ZNF268: variants seen among roughly 807,000 people sequenced by gnomAD.
The protein encoded by ZNF268 is zinc finger protein 268, also known as zinc finger protein 3.
In ZNF268, 20 loss-of-function variants were observed where a neutral mutation model predicts 29.3. The observed-to-expected ratio is 0.68, with a 90% CI of 0.48 to 0.99. The LOEUF (loss-of-function observed/expected upper bound fraction) is 0.99. Among genes scored for constraint, ZNF268 ranks in the 50% least tolerant of loss-of-function variants. The pLI is 0.00. For missense variants in ZNF268, 1,240 were observed against 1,121.6 expected (o/e 1.11, Z -1.51); for synonymous variants, 429 against 376.9 (o/e 1.14, Z -1.60).
rs370886515 is a variant in ZNF268 at position 133,202,765 on chromosome 12, A to G, written c.1079A>G (p.Tyr360Cys). 51 of 1,611,456 alleles carry G rather than the reference A, an allele frequency of 3.2e-5. 1 individual carries two copies. Among genetic ancestry groups the G allele is most frequent in the South Asian group, 2.3e-4 (21 of 90,910 alleles). The change falls in exon 6 of 6, where the codon TAT becomes TGT. Residue 360 changes from tyrosine to cysteine, a missense_variant. Tyr to Cys is a radical substitution (Grantham distance 194). Around this residue, in one of 3 missense-constraint regions of ZNF268, gnomAD observed 1,177 missense variants for 1,039.6 expected, o/e 1.13. Coordinates refer to ENST00000536435, the MANE Select transcript of ZNF268 (RefSeq NM_003415.3). ...AGAATTCACACAGGTGAGAATCCCTATGAGTGCTGTGAATGTGGGAAAGTC... is the reference window on the plus strand; with the variant it reads ...AGAATTCACACAGGTGAGAATCCCTGTGAGTGCTGTGAATGTGGGAAAGTC... ...HQRIHTGENPYECCECGKVFS... is the reference protein window; with the variant it reads ...HQRIHTGENPCECCECGKVFS...
chr12:133,187,841 C>A (rs573573567), intron 2 of ZNF268, 31 bp from the exon 3 acceptor site: 2 of 1,554,492 alleles, frequency 1.3e-6, no homozygotes, highest in African/African-American at 1.4e-5. Flanking sequence ...AAATAATGCT[C>A]GCTAAAGTAA....
chr12:133,204,154 T>C lies in ZNF268; in HGVS notation c.2468T>C (p.Leu823Pro). ...AAAGCCTTCATTTGGAAATCACTAC[T>C]CATTGTACATGAGCGAACTCATGCA... Reference protein sequence around the residue: ...CGKAFIWKSLLIVHERTHAGV... With the variant: ...CGKAFIWKSLPIVHERTHAGV... The change falls in exon 6 of 6, where the codon CTC becomes CCC. Residue 823 changes from leucine (L) to proline (P), a missense_variant. Physicochemically the swap from Leu to Pro is moderately conservative, Grantham distance 98. This residue lies in a region of ZNF268 where 1,177 missense variants were observed against 1,039.6 expected (regional missense o/e 1.13). Transcript: ENST00000536435. 1 of 1,542,476 alleles carries C rather than the reference T, an allele frequency of 6.5e-7. No homozygotes were observed. Among genetic ancestry groups the C allele is most frequent in the Non-Finnish European group, 8.7e-7 (1 of 1,147,292 alleles).
At chr12:133,193,825 C>A (rs1956533376) in intron 5 of ZNF268, among the ~76,000 whole-genome samples, 1 of 152,176 alleles carries the variant, frequency 6.6e-6, no homozygotes, top group Non-Finnish European at 1.5e-5. Flanking sequence ...CTCCCTCATA[C>A]CACTCCCTGG....
chr12:133,181,641 C>T lies in ZNF268; in HGVS notation c.-98C>T, dbSNP rs1956178496. 7.5e-6 allele frequency: 2 copies of T among 266,926 alleles called. No homozygotes were observed. Among genetic ancestry groups the T allele is most frequent in the East Asian group, 1.5e-4 (2 of 13,516 alleles). 16.5% of individuals were successfully genotyped at this position (266,926 alleles called of 1,614,324 possible). ...GCAGATCTGGAGGTGGAGGCAGTAC[C>T]CTGGACTCTATTCTGCTGCCCCTTC... is the stretch of plus-strand genomic sequence containing the variant. On this transcript the variant is annotated 5_prime_UTR_variant, in exon 1 of 6. Coordinates refer to ENST00000536435, the MANE Select transcript of ZNF268 (RefSeq NM_003415.3).
chr12:133,188,188 G>T, intron 3 of ZNF268, 116 bp downstream of exon 3: 1 of 956,270 alleles, frequency 1.0e-6, no homozygotes, highest in South Asian at 1.8e-5. Flanking sequence ...CCTCAGTTCA[G>T]TTCAAAACCC....
intron 2 of ZNF268, among the ~76,000 whole-genome samples, chr12:133,182,237 T>C (rs1956194725): frequency 6.6e-6 from 1 of 152,184 alleles, no homozygotes; most frequent in African/African-American, 2.4e-5. Flanking sequence ...TCAATCTCTT[T>C]TCTAACAACT....
chr12:133,190,199 A>G lies in ZNF268; in HGVS notation c.235-1290A>G, dbSNP rs369804902. Among the ~76,000 whole-genome samples the G allele has an allele frequency of 9.8e-5, 15 of 152,336 alleles. No homozygotes were observed. The East Asian group carries it at 2.3e-3, about 23-fold the overall frequency. Reference sequence around the variant, plus strand: ...AACTTAACCAAATTTATGTGCGCAGAGCAGTTAGTCTTTTCTTGTCTGTGA... The same window carrying G: ...AACTTAACCAAATTTATGTGCGCAGGGCAGTTAGTCTTTTCTTGTCTGTGA... On this transcript the variant is annotated intron_variant, in intron 3 of 5. Coordinates refer to ENST00000536435, the MANE Select transcript of ZNF268 (RefSeq NM_003415.3).
chr12:133,200,536 T>C (rs970067614), intron 5 of ZNF268, among the ~76,000 whole-genome samples: 4 of 152,202 alleles, frequency 2.6e-5, no homozygotes, highest in African/African-American at 9.7e-5. Flanking sequence ...TGTAGATGTC[T>C]ATTAGCTCTG....
intron 5 of ZNF268, 23 bp downstream of exon 5, chr12:133,192,026 T>G (rs1471747424): frequency 1.3e-6 from 2 of 1,572,626 alleles, no homozygotes; most frequent in African/African-American, 1.4e-5. Context: ...GACAAATCTT[T>G]TCTTCTTTAT....
At chr12:133,184,089 C>T (rs1478600114) in intron 2 of ZNF268, among the ~76,000 whole-genome samples, 2 of 151,638 alleles carry the variant, frequency 1.3e-5, no homozygotes, top group Non-Finnish European at 2.9e-5. Context: ...AATTTGGTAT[C>T]TGATGAGGCC....
chr12:133,193,356 C>G, intron 5 of ZNF268: 1 of 553,738 alleles, frequency 1.8e-6, no homozygotes, highest in Non-Finnish European at 3.2e-6. Context: ...CTGTCTCAGT[C>G]TATTTGTGTT....
At position 133,212,448 on chromosome 12, in the gene ZNF268, TATATA is replaced by T; in HGVS notation, c.*7919_*7923del. 2.6e-4 allele frequency: 1 copy of T among 3,808 alleles called. No individual in the cohort carries two copies. Among genetic ancestry groups the T allele is most frequent in the Non-Finnish European group, 3.8e-4 (1 of 2,622 alleles). 0.2% of individuals were successfully genotyped at this position (3,808 alleles called of 1,614,324 possible). On this transcript the variant is annotated 3_prime_UTR_variant, in exon 6 of 6. Transcript: ENST00000536435. ...AGGGAGACTTTCATGTGTGATTTTA[TATATA>T]TATATATATATATATATATATATAT...
At chr12:133,189,239 G>A (rs1470550259) in intron 3 of ZNF268, among the ~76,000 whole-genome samples, 1 of 144,598 alleles carries the variant, frequency 6.9e-6, no homozygotes, top group Admixed American at 6.9e-5. Context: ...TTTTGAGATG[G>A]AGTCTTGCTC....
chr12:133,190,423 A>G (rs1956436279), intron 3 of ZNF268, among the ~76,000 whole-genome samples: 1 of 152,218 alleles, frequency 6.6e-6, no homozygotes, highest in Non-Finnish European at 1.5e-5. Flanking sequence ...CCAGCAATGA[A>G]TAAGAGTTCC....
At position 133,204,454 on chromosome 12, in the gene ZNF268, C is replaced by T. The variant is rs754904572; in HGVS notation, c.2768C>T (p.Thr923Ile). 1.9e-6 allele frequency: 3 copies of T among 1,546,792 alleles called. No individual in the cohort carries two copies. Among genetic ancestry groups the T allele is most frequent in the East Asian group, 2.4e-5 (1 of 41,390 alleles). The change falls in exon 6 of 6, where the codon ACT (threonine) becomes ATT (isoleucine). Residue 923 changes from threonine (T) to isoleucine (I), a missense_variant. Thr to Ile is a moderately conservative substitution (Grantham distance 89). This residue lies in a region of ZNF268 where 1,177 missense variants were observed against 1,039.6 expected (regional missense o/e 1.13). Transcript: ENST00000536435. ...ACAGGAGAGAAGCCTTGTAAGTGCA[C>T]TGAATGTGGGAAAGCCTTTTGTTGG... ...THTGEKPCKC[T>I]ECGKAFCWKS...
At position 133,202,475 on chromosome 12, in the gene ZNF268, A is replaced by G; in HGVS notation, c.789A>G (p.Gln263=). The change falls in exon 6 of 6, where the codon CAA becomes CAG. Residue 263 remains glutamine, a synonymous_variant. Transcript: ENST00000536435. ...GAAAAACCGTCAATAAGAAATCGCA[A>G]CTTATGTGCCAACAAATGTATATGG... ...ESGKTVNKKS[Q]LMCQQMYMGE... is the part of the protein sequence containing the mutation. The G allele has an allele frequency of 1.2e-6, 2 of 1,612,232 alleles. No homozygotes were observed. The highest frequency in any genetic ancestry group is 1.7e-6 in the Non-Finnish European group (2 of 1,179,044).
chr12:133,204,065 A>G lies in ZNF268; in HGVS notation c.2379A>G (p.Ser793=). ...GTGGGAAAGCTTTTAGCAGCAAGTC[A>G]TACCTAATTATACACATGAGAACTC... is the stretch of plus-strand genomic sequence containing the variant. The part of the protein sequence containing the change: ...SECGKAFSSK[S]YLIIHMRTHS... The change falls in exon 6 of 6, where the codon TCA becomes TCG. Residue 793 remains serine, a synonymous_variant. Coordinates refer to ENST00000536435, the MANE Select transcript of ZNF268 (RefSeq NM_003415.3). 6.4e-7 allele frequency: 1 copy of G among 1,557,332 alleles called. No individual in the cohort carries two copies. Among genetic ancestry groups the G allele is most frequent in the African/African-American group, 1.4e-5 (1 of 73,484 alleles).
intron 5 of ZNF268, 117 bp from the exon 6 acceptor site, chr12:133,202,027 T>C (rs1593920908): frequency 2.4e-6 from 2 of 816,356 alleles, no homozygotes; most frequent in East Asian, 5.5e-5. Context: ...AACTTTCTAG[T>C]ATACCACAAT....
At chr12:133,194,422 C>T (rs1376583532) in intron 5 of ZNF268, among the ~76,000 whole-genome samples, 1 of 152,160 alleles carries the variant, frequency 6.6e-6, no homozygotes, top group Non-Finnish European at 1.5e-5. Flanking sequence ...TGACATTTTC[C>T]TTAGGTTACC....
Sources: allele counts gnomAD v4.1 joint callset (sites outside exome capture counted in the v4.1 genomes callset), GRCh38; gene constraint gnomAD v4.1.1; regional missense constraint gnomAD v4.1.1; transcripts MANE v1.5; gene names NCBI Gene and HGNC (gene_info 2026-07-23, HGNC 2026-07-21).